The following PRKG1 variants were observed in gnomAD, a reference collection of about 807,000 sequenced individuals.
The protein encoded by PRKG1 is cGMP-dependent protein kinase 1.
PRKG1 carries 35 observed loss-of-function variants against 88.1 expected under a neutral mutation model. The observed-to-expected ratio is 0.40, with a 90% CI of 0.30 to 0.53. The LOEUF (loss-of-function observed/expected upper bound fraction) is 0.53, where lower values mean the gene tolerates loss of function less well. PRKG1 is among the 20% of genes least tolerant of loss of function. PRKG1 has a pLI of 0.59. For synonymous variants in PRKG1, 303 were observed against 292.5 expected (o/e 1.04, Z -0.37); for missense variants, 540 against 839.8 (o/e 0.64, Z 4.41).
At chr10:52,098,904 G>T (rs548675760) in intron 7 of PRKG1, among the ~76,000 whole-genome samples, 1 of 152,288 alleles carries the variant, frequency 6.6e-6, no homozygotes, top group East Asian at 1.9e-4. Flanking sequence ...TTGGTTCCAT[G>T]AATGCCTTTA....
chr10:51,803,158 G>GA, intron 3 of PRKG1, among the ~76,000 whole-genome samples: 3 of 152,144 alleles, frequency 2.0e-5, no homozygotes, highest in African/African-American at 7.2e-5. Flanking sequence ...GGGTATTGTA[G>GA]AAAAGAGTCT....
chr10:51,824,557 G>A (rs1347114711), intron 4 of PRKG1, among the ~76,000 whole-genome samples: 1 of 152,104 alleles, frequency 6.6e-6, no homozygotes, highest in Non-Finnish European at 1.5e-5. Context: ...TACTATAAAG[G>A]AATATTTGAG....
intron 4 of PRKG1, among the ~76,000 whole-genome samples, chr10:51,870,134 T>A (rs1841118743): frequency 6.6e-6 from 1 of 152,180 alleles, no homozygotes; most frequent in South Asian, 2.1e-4. Flanking sequence ...CTTAAGGCAA[T>A]GCAATTCTGA....
At chr10:51,884,890 A>G (rs10762464) in intron 4 of PRKG1, among the ~76,000 whole-genome samples, 114,526 of 152,074 alleles carry the variant, frequency 0.75, 43,635 homozygotes, top group African/African-American at 0.87. Flanking sequence ...ACCTCTTCGT[A>G]GGAGAAGTGG....
intron 4 of PRKG1, among the ~76,000 whole-genome samples, chr10:51,879,703 C>T (rs1841389056): frequency 6.6e-6 from 1 of 151,200 alleles, no homozygotes; most frequent in South Asian, 2.1e-4. Flanking sequence ...CTTCTGATGC[C>T]ACCATCCAGA....
rs1204697755 is a variant in PRKG1, at chr10:51,245,641, T to C, written c.478+92311T>C. 3 of 152,120 alleles carry C rather than the reference T, an allele frequency of 2.0e-5. No individual in the cohort carries two copies. In the East Asian group the frequency reaches 5.8e-4, roughly 29 times the overall value. 9.4% of individuals were successfully genotyped at this position (152,120 alleles called of 1,614,324 possible). On this transcript the variant is annotated intron_variant, in intron 2 of 17. Coordinates refer to ENST00000373980, the MANE Select transcript of PRKG1 (RefSeq NM_006258.4). ...GTGGAACAGACATGTATATAATTTATTGATATAATCTTAAGCAGAATATAT... is the reference window on the plus strand; with the variant it reads ...GTGGAACAGACATGTATATAATTTACTGATATAATCTTAAGCAGAATATAT...
intron 8 of PRKG1, among the ~76,000 whole-genome samples, chr10:52,144,314 C>A (rs1230552655): frequency 3.3e-5 from 5 of 152,110 alleles, no homozygotes; most frequent in Non-Finnish European, 7.4e-5. Context: ...AATAAATATC[C>A]TAGTATCTCA....
chr10:51,170,412 A>C (rs1846671822), intron 2 of PRKG1, among the ~76,000 whole-genome samples: 2 of 148,746 alleles, frequency 1.3e-5, no homozygotes, highest in African/African-American at 5.1e-5. Flanking sequence ...GTAGTTCACA[A>C]CTGATTTTTT....
At position 50,998,702 on chromosome 10, in the gene PRKG1, C is replaced by T. The variant is rs775072311; in HGVS notation, c.266+7058C>T. On this transcript the variant is annotated intron_variant, in intron 1 of 17. Transcript: ENST00000401604. ...GGCAGAGGTTGCAGTGAGCCAAGAT[C>T]GTGCCCCTGCACTCCAGCCTAGGCG... Among the ~76,000 whole-genome samples, 116 of 152,276 alleles carry T rather than the reference C, an allele frequency of 7.6e-4. 1 individual carries two copies. Among genetic ancestry groups the T allele is most frequent in the South Asian group, 1.7e-3 (8 of 4,824 alleles).
chr10:52,129,948 G>C (rs1406169900), intron 7 of PRKG1, among the ~76,000 whole-genome samples: 1 of 152,068 alleles, frequency 6.6e-6, no homozygotes, highest in Non-Finnish European at 1.5e-5. Flanking sequence ...CATGACTTTA[G>C]GGACAGCCAG....
rs73343354 is a variant in PRKG1, at chr10:51,715,070, A to G, written c.593-89515A>G. Among the ~76,000 whole-genome samples the G allele has an allele frequency of 5.8e-3, 890 of 152,234 alleles. 6 individuals are homozygous for G. The highest frequency in any genetic ancestry group is 0.02 in the African/African-American group (842 of 41,524). ...CTGTTCATTGGTATATTCATAAAGT[A>G]TTTCTCAAAGGATATCTAAGACACT... On this transcript the variant is annotated intron_variant, in intron 3 of 17. Coordinates refer to ENST00000373980, the MANE Select transcript of PRKG1 (RefSeq NM_006258.4).
intron 3 of PRKG1, among the ~76,000 whole-genome samples, chr10:51,663,717 A>C (rs1306903310): frequency 1.3e-5 from 2 of 151,220 alleles, no homozygotes; most frequent in Non-Finnish European, 3.0e-5. Context: ...AAAAAAAAAA[A>C]AAAAAAACAC....
chr10:51,505,387 G>C (rs1242657391), intron 3 of PRKG1, among the ~76,000 whole-genome samples: 1 of 152,128 alleles, frequency 6.6e-6, no homozygotes, highest in Non-Finnish European at 1.5e-5. Flanking sequence ...ATTTTATTGA[G>C]GATTTTTGCA....
At chr10:51,571,259 AT>A (rs1241835607) in intron 3 of PRKG1, among the ~76,000 whole-genome samples, 1 of 151,948 alleles carries the variant, frequency 6.6e-6, no homozygotes, top group Non-Finnish European at 1.5e-5. Flanking sequence ...TATAATTCTC[AT>A]TTTTAAAAAG....
At chr10:51,672,909 T>G (rs1220605874) in intron 3 of PRKG1, among the ~76,000 whole-genome samples, 1 of 152,212 alleles carries the variant, frequency 6.6e-6, no homozygotes, top group African/African-American at 2.4e-5. Context: ...CTGTTTCACC[T>G]TTACACTGAA....
chr10:52,238,552 C>T (rs1840754574), intron 9 of PRKG1, among the ~76,000 whole-genome samples: 1 of 151,430 alleles, frequency 6.6e-6, no homozygotes, highest in South Asian at 2.1e-4. Flanking sequence ...TTTATGCAGC[C>T]AAAAAACACA....
intron 9 of PRKG1, among the ~76,000 whole-genome samples, chr10:52,179,917 G>A (rs1838970556): frequency 6.6e-6 from 1 of 152,160 alleles, no homozygotes; most frequent in East Asian, 1.9e-4. Flanking sequence ...TCAAACTCCT[G>A]ATTTCGTGAT....
chr10:51,981,446 CAT>C (rs1450419909), intron 5 of PRKG1, among the ~76,000 whole-genome samples: 5 of 151,974 alleles, frequency 3.3e-5, no homozygotes, highest in African/African-American at 1.2e-4. Flanking sequence ...ATTAGCCAGG[CAT>C]AGTGGCATGT....
At chr10:51,042,973 T>C (rs923711877) in intron 1 of PRKG1, among the ~76,000 whole-genome samples, 1 of 152,186 alleles carries the variant, frequency 6.6e-6, no homozygotes, top group Non-Finnish European at 1.5e-5. Context: ...ACCCTGCCTA[T>C]GCCTTAATCT....
Sources: allele counts gnomAD v4.1 joint callset (sites outside exome capture counted in the v4.1 genomes callset), GRCh38; gene constraint gnomAD v4.1.1; transcripts MANE v1.5; gene names NCBI Gene and HGNC (gene_info 2026-07-23, HGNC 2026-07-21).